The following SALL2 variants were observed in gnomAD, a reference collection of about 807,000 sequenced individuals.
The protein encoded by SALL2 is spalt like transcription factor 2.
SALL2 carries 32 observed loss-of-function variants against 58.5 expected under a neutral mutation model. The observed-to-expected ratio is 0.55, with a 90% confidence interval of 0.41 to 0.74. The LOEUF (loss-of-function observed/expected upper bound fraction) is 0.74, where lower values mean the gene tolerates loss of function less well. Among genes scored for constraint, SALL2 ranks in the 30% least tolerant of loss-of-function variants. The pLI is 0.00. For synonymous variants in SALL2, 516 were observed against 513.6 expected, an observed-to-expected ratio of 1.00 and a Z score of -0.06; for missense variants, 1,201 against 1,268.9, an observed-to-expected ratio of 0.95 and a Z score of 0.81.
Position 21,524,912 on chromosome 14 carries a change from C to A in SALL2, c.810G>T (p.Gln270His), listed in dbSNP as rs1892221253. 1 of 1,614,076 alleles carries A rather than the reference C, an allele frequency of 6.2e-7. No homozygotes were observed. The highest frequency in any genetic ancestry group is 8.5e-7 in the Non-Finnish European group (1 of 1,180,028). Residue 270 changes from glutamine (Q) to histidine (H), a missense_variant, in exon 2 of 2, where the codon CAG becomes CAT. Transcript: ENST00000537235. The stretch of plus-strand genomic sequence containing the variant: ...GTGGGTGGTAAAGGTGGAAGAAGGC[C>A]TGCTTGGGCGTTTCTGCCCCTGAAG... ...SSSSGAETPK[Q>H]AFFHLYHPLG...
chr14:21,534,477 T>C (rs1302213477), intron 1 of SALL2, among the ~76,000 whole-genome samples: 1 of 152,144 alleles, frequency 6.6e-6, no homozygotes, highest in Non-Finnish European at 1.5e-5. Context: ...GTAGCAGCAT[T>C]ACCATGCCCC....
upstream of SALL2, chr14:21,526,497 C>G: frequency 4.9e-6 from 6 of 1,218,914 alleles, no homozygotes; most frequent in Non-Finnish European, 6.2e-6. Context: ...GTGACAGGTG[C>G]TGTGAAGCAC....
In SALL2 at chr14:21,524,483, G is replaced by A; in HGVS notation, c.1239C>T (p.Asn413=). 1.2e-6 allele frequency: 2 copies of A among 1,614,246 alleles called. No individual in the cohort carries two copies. Among genetic ancestry groups the A allele is most frequent in the South Asian group, 1.1e-5 (1 of 91,092 alleles). The change falls in exon 2 of 2, where the codon AAC becomes AAT. Residue 413 remains asparagine (N), a synonymous_variant. Transcript: ENST00000537235. ...VCGNRFTTRG[N]LKVHFHRHRE... is the part of the protein sequence containing the mutation. The stretch of plus-strand genomic sequence containing the variant: ...GATGCCGGTGGAAATGCACTTTGAG[G>A]TTGCCACGGGTGGTAAAACGGTTTC...
At position 21,523,990 on chromosome 14, in the gene SALL2, C is replaced by G. The variant is rs779338622; in HGVS notation, c.1732G>C (p.Glu578Gln). 9 of 1,614,052 alleles carry G rather than the reference C, an allele frequency of 5.6e-6. No individual in the cohort carries two copies. The highest frequency in any genetic ancestry group is 5.9e-6 in the Non-Finnish European group (7 of 1,180,046). ...TGSFPFPYVL[E>Q]PLGASPSETS... is the part of the protein sequence containing the mutation. ...TCAGAGGGTGAGGCCCCCAAGGGCT[C>G]TAGCACATAGGGGAAGGGGAAGCTG... The change falls in exon 2 of 2, where the codon GAG (glutamate) becomes CAG (glutamine). Residue 578 changes from glutamate to glutamine, a missense_variant. By Grantham distance (29) the Glu-to-Gln change is conservative. This residue lies in a region of SALL2 where 675 missense variants were observed against 683.8 expected (regional missense o/e 0.99). Coordinates refer to ENST00000537235, the MANE Select transcript of SALL2 (RefSeq NM_001364564.1). This position sits in a 1 kb window ranked among gnomAD's most constrained non-coding sequence, Gnocchi z 4.4.
chr14:21,526,936 T>TGCGGAACACTAAGCCCCTTCACTCCCC (rs1892335551), upstream of SALL2, among the ~76,000 whole-genome samples: 1 of 152,014 alleles, frequency 6.6e-6, no homozygotes, highest in Non-Finnish European at 1.5e-5. Flanking sequence ...CAGGACTCTC[T>TGCGGAACACTAAGCCCCTTCACTCCCC]GCGGAACACT....
chr14:21,522,710 GATC>G lies in SALL2; in HGVS notation c.3009_3011del (p.Ile1004del). 1.3e-6 allele frequency: 2 copies of G among 1,521,082 alleles called. No individual in the cohort carries two copies. Among genetic ancestry groups the G allele is most frequent in the Non-Finnish European group, 1.8e-6 (2 of 1,136,122 alleles). 94.2% of individuals were successfully genotyped at this position (1,521,082 alleles called of 1,614,324 possible). A position where few individuals can be genotyped will look rare whatever the true frequency, so the allele number is the denominator to read the frequency against. ...CAGGTACAGAAAAACAGGCTCATGG[GATC>G]GTGGGGTCATCTTTTCGGGGAAAGG... On this transcript the variant is annotated inframe_deletion, in exon 2 of 2. Transcript: ENST00000537235.
chr14:21,526,403 G>A, upstream of SALL2: 1 of 1,376,908 alleles, frequency 7.3e-7, no homozygotes, highest in Non-Finnish European at 9.4e-7. Context: ...GAGGGAGGCG[G>A]GAGCTAGAGG....
intron 1 of SALL2, among the ~76,000 whole-genome samples, chr14:21,535,654 G>A (rs571274536): frequency 1.3e-5 from 2 of 152,296 alleles, no homozygotes; most frequent in East Asian, 3.9e-4. Flanking sequence ...ACCAGCCAAG[G>A]TCACATAGCT....
At chr14:21,535,302 A>G (rs985518911) in intron 1 of SALL2, among the ~76,000 whole-genome samples, 4 of 150,474 alleles carry the variant, frequency 2.7e-5, no homozygotes, top group East Asian at 1.9e-4. Context: ...CCAAGATTGC[A>G]CCACTGCACT....
At position 21,535,533 on chromosome 14, in the gene SALL2, G is replaced by A. The variant is rs547156352; in HGVS notation, c.-114+1429C>T. 3.9e-5 allele frequency among the ~76,000 whole-genome samples: 6 copies of A among 152,030 alleles called. No individual in the cohort carries two copies. The South Asian group carries it at 6.2e-4, about 16-fold the overall frequency. ...TATTTATGCTAGGTATTTTTCCAAG[G>A]GATTTACACATATTAACTCATTTAG... is the stretch of plus-strand genomic sequence containing the variant. On this transcript the variant is annotated intron_variant, in intron 1 of 1. Transcript: ENST00000541965.
At chr14:21,531,871 A>G (rs546559204) in intron 1 of SALL2, among the ~76,000 whole-genome samples, 1 of 152,100 alleles carries the variant, frequency 6.6e-6, no homozygotes, top group South Asian at 2.1e-4. Flanking sequence ...CTGGGATTAC[A>G]GGTGTGCGCC....
At position 21,523,424 on chromosome 14, in the gene SALL2, C is replaced by G. The variant is rs1478956063; in HGVS notation, c.2298G>C (p.Glu766Asp). 4 of 1,613,660 alleles carry G rather than the reference C, an allele frequency of 2.5e-6. No homozygotes were observed. The African/African-American group carries it at 5.3e-5, about 22-fold the overall frequency. ...CATCTTCCTCTTCTTCCTCATCCTC[C>G]TCTTCCTCCTCCTCAGACAACTCCT... is the stretch of plus-strand genomic sequence containing the variant. ...PEEELSEEEEEEDEEEEEDVT... is the reference protein window; with the variant it reads ...PEEELSEEEEDEDEEEEEDVT... Residue 766 changes from glutamate to aspartate, a missense_variant, in exon 2 of 2, where the codon GAG becomes GAC. Glu to Asp is a conservative substitution (Grantham distance 45, BLOSUM62 2). Coordinates refer to ENST00000537235, the MANE Select transcript of SALL2 (RefSeq NM_001364564.1). This position sits in a 1 kb window ranked among gnomAD's most constrained non-coding sequence, Gnocchi z 4.4.
chr14:21,527,639 C>T (rs1445156020), upstream of SALL2, among the ~76,000 whole-genome samples: 1 of 152,118 alleles, frequency 6.6e-6, no homozygotes, highest in African/African-American at 2.4e-5. Flanking sequence ...CAGTATTTTA[C>T]TCAGAAAAAT....
rs1306431099 is a variant in SALL2, at chr14:21,524,420, T to C, written c.1302A>G (p.Pro434=). The part of the protein sequence containing the change: ...KYPHVQMNPH[P]VPEHLDYVIT... ...TGACATAGTCTAGGTGCTCTGGTAC[T>C]GGGTGTGGGTTCATCTGCACATGTG... Residue 434 remains proline, a synonymous_variant, in exon 2 of 2, where the codon CCA becomes CCG. Coordinates refer to ENST00000537235, the MANE Select transcript of SALL2 (RefSeq NM_001364564.1). 3.1e-6 allele frequency: 5 copies of C among 1,614,236 alleles called. No individual in the cohort carries two copies. The South Asian group carries it at 3.3e-5, about 11-fold the overall frequency.
At chr14:21,526,427 G>C (rs1594465171), upstream of SALL2, 4 of 1,346,472 alleles carry the variant, frequency 3.0e-6, no homozygotes, top group East Asian at 1.2e-4. Flanking sequence ...CGGGAGAAGG[G>C]AGCGCTAGCG....
intron 1 of SALL2, among the ~76,000 whole-genome samples, chr14:21,531,918 T>C (rs143764685): frequency 0.032 from 4,885 of 151,482 alleles, 278 homozygotes; most frequent in African/African-American, 0.11. Flanking sequence ...TTAGTAGAGA[T>C]GAGGTTTCAC....
Position 21,525,386 on chromosome 14 carries a change from T to C in SALL2, c.336A>G (p.Pro112=), listed in dbSNP as rs750259892. Residue 112 remains proline, a synonymous_variant, in exon 2 of 2, where the codon CCA becomes CCG. Transcript: ENST00000537235. This position sits in a 1 kb window ranked among gnomAD's most constrained non-coding sequence, Gnocchi z 4.4. The stretch of plus-strand genomic sequence containing the variant: ...CTGAAGACTCCTCTCCTCTCCTCTC[T>C]GGGCCCCAGGTGGGATCCGTGGGCA... The part of the protein sequence containing the change: ...SSVPTDPTWG[P]ERRGEESSGH... 3.1e-6 allele frequency: 5 copies of C among 1,613,888 alleles called. No homozygotes were observed. In the Admixed American group the frequency reaches 8.3e-5, roughly 27 times the overall value.
chr14:21,523,770 T>C lies in SALL2; in HGVS notation c.1952A>G (p.His651Arg). Residue 651 changes from histidine (H) to arginine (R), a missense_variant, in exon 2 of 2, where the codon CAT becomes CGT. Physicochemically the swap from His to Arg is conservative, Grantham distance 29. This residue lies in a region of SALL2 where 675 missense variants were observed against 683.8 expected (regional missense o/e 0.99). Coordinates refer to ENST00000537235, the MANE Select transcript of SALL2 (RefSeq NM_001364564.1). The surrounding 1 kb of genome is among the most constrained non-coding windows in gnomAD (Gnocchi z 4.4). Reference sequence around the variant, plus strand: ...GCATTTGAAGGGCCTCTCACCTCCATGTTGGCCATAATGAAGGCGTAGGGC... The same window carrying C: ...GCATTTGAAGGGCCTCTCACCTCCACGTTGGCCATAATGAAGGCGTAGGGC... ...PRALRLHYGQ[H>R]GGERPFKCKV... is the part of the protein sequence containing the mutation. 1 of 1,614,112 alleles carries C rather than the reference T, an allele frequency of 6.2e-7. No homozygotes were observed. Among genetic ancestry groups the C allele is most frequent in the African/African-American group, 1.3e-5 (1 of 75,026 alleles).
In SALL2 at chr14:21,522,592, T is replaced by G; in HGVS notation, c.*112A>C. ...CAGAAAAGCCACTAGGGACATAACA[T>G]GTTAAGAACTTAGAGAAAAAGACAA... is the stretch of plus-strand genomic sequence containing the variant. On this transcript the variant is annotated 3_prime_UTR_variant, in exon 2 of 2. Coordinates refer to ENST00000537235, the MANE Select transcript of SALL2 (RefSeq NM_001364564.1). The G allele has an allele frequency of 1.4e-6, 2 of 1,447,062 alleles. No individual in the cohort carries two copies. The highest frequency in any genetic ancestry group is 1.8e-6 in the Non-Finnish European group (2 of 1,101,922). The allele number at this position is 1,447,062 out of a possible 1,614,324, so 89.6% of individuals were successfully genotyped here. A position where few individuals can be genotyped will look rare whatever the true frequency, so the allele number is the denominator to read the frequency against.
Sources: allele counts gnomAD v4.1 joint callset (sites outside exome capture counted in the v4.1 genomes callset), GRCh38; gene constraint gnomAD v4.1.1; regional missense constraint gnomAD v4.1.1; non-coding constraint Gnocchi (gnomAD v3.1); transcripts MANE v1.5; gene names NCBI Gene and HGNC (gene_info 2026-07-23, HGNC 2026-07-21).